The following RAB15 variants were observed in gnomAD, a reference collection of about 807,000 sequenced individuals.
RAB15 encodes the protein ras-related protein Rab-15.
Under a neutral mutation model 31.8 loss-of-function variants are expected in RAB15, and 13 were observed. The ratio of observed to expected loss-of-function variants is 0.41; its 90% CI spans 0.27 to 0.65. RAB15 has a LOEUF of 0.65. Ranked by LOEUF, RAB15 falls within the 30% of genes least tolerant of loss-of-function variation. The probability of loss-of-function intolerance (pLI) is 0.32; values close to 1 mark genes in which losing one functional copy is unlikely to be tolerated. For synonymous variants in RAB15, 100 were observed against 105.6 expected (o/e 0.95, Z 0.33); for missense variants, 220 against 277.3 (o/e 0.79, Z 1.47).
chr14:64,971,834 T>G lies in RAB15; in HGVS notation c.124+119A>C. 1 of 984,630 alleles carries G rather than the reference T, an allele frequency of 1.0e-6. No homozygotes were observed. The allele number at this position is 984,630 out of a possible 1,614,324, so 61.0% of individuals were successfully genotyped here. A position where few individuals can be genotyped will look rare whatever the true frequency, so the allele number is the denominator to read the frequency against. ...CCGAGATTTATCCCGGACTCCGGCC[T>G]CCGGCGCCACCGCCTCCAGCCGGAG... is the stretch of plus-strand genomic sequence containing the variant. On this transcript the variant is annotated intron_variant, in intron 1 of 6. Coordinates refer to ENST00000533601, the MANE Select transcript of RAB15 (RefSeq NM_001308154.2). The surrounding 1 kb of genome is among the most constrained non-coding windows in gnomAD (Gnocchi z 4.1).
chr14:64,959,872 A>AAG (rs1886760345), intron 1 of RAB15, among the ~76,000 whole-genome samples: 1 of 150,254 alleles, frequency 6.7e-6, no homozygotes, highest in Non-Finnish European at 1.5e-5. Flanking sequence ...AAAAAAAAAA[A>AAG]GCAATTCCAT....
intron 1 of RAB15, chr14:64,957,867 C>A (rs1446847661): frequency 6.8e-6 from 1 of 147,902 alleles, no homozygotes; most frequent in Admixed American, 6.8e-5. Context: ...TTCCCACACA[C>A]CCTGGCATAC....
At chr14:64,965,275 T>C (rs1887073582) in intron 1 of RAB15, among the ~76,000 whole-genome samples, 1 of 151,896 alleles carries the variant, frequency 6.6e-6, no homozygotes, top group South Asian at 2.1e-4. Context: ...CTGGCCAACA[T>C]GGTGAAACCC....
Position 64,952,687 on chromosome 14 carries a change from G to A in RAB15, c.125-116C>T. 5.6e-6 allele frequency: 4 copies of A among 711,884 alleles called. No individual in the cohort carries two copies. The South Asian group carries it at 6.8e-5, about 12-fold the overall frequency. 44.1% of individuals were successfully genotyped at this position (711,884 alleles called of 1,614,324 possible). A position where few individuals can be genotyped will look rare whatever the true frequency, so the allele number is the denominator to read the frequency against. Reference sequence around the variant, plus strand: ...TTTCAGTTTAATTTGGCAAAGGGATGAAGTAATGTAAAGGCCTTCTTTAAG... The same window carrying A: ...TTTCAGTTTAATTTGGCAAAGGGATAAAGTAATGTAAAGGCCTTCTTTAAG... On this transcript the variant is annotated intron_variant, in intron 1 of 6. Transcript: ENST00000533601. This position sits in a 1 kb window ranked among gnomAD's most constrained non-coding sequence, Gnocchi z 4.2.
intron 1 of RAB15, among the ~76,000 whole-genome samples, chr14:64,959,994 C>T (rs2139988342): frequency 6.6e-6 from 1 of 152,242 alleles, no homozygotes; most frequent in East Asian, 1.9e-4. Flanking sequence ...GCAAGAAAAG[C>T]TCCTCAATCA....
rs1555385837 is a variant in RAB15 at position 64,951,724 on chromosome 14, AG to A, written c.186-62del. ...ACCATGGGAACAGACGGGGAGGGGAAGAGCAGAGCTGTCCCCTTGTAGGAAA... is the reference window on the plus strand; with the variant it reads ...ACCATGGGAACAGACGGGGAGGGGAAAGCAGAGCTGTCCCCTTGTAGGAAA... On this transcript the variant is annotated intron_variant, in intron 2 of 6. Transcript: ENST00000533601. The surrounding 1 kb of genome is among the most constrained non-coding windows in gnomAD (Gnocchi z 7.2). The A allele has an allele frequency of 2.8e-6, 4 of 1,421,092 alleles. No individual in the cohort carries two copies. Among genetic ancestry groups the A allele is most frequent in the Non-Finnish European group, 4.0e-6 (4 of 1,003,806 alleles). The allele number at this position is 1,421,092 out of a possible 1,614,324, so 88.0% of individuals were successfully genotyped here. A position where few individuals can be genotyped will look rare whatever the true frequency, so the allele number is the denominator to read the frequency against.
rs1028751575 is a variant in RAB15, at chr14:64,955,336, T to C, written c.125-2765A>G. Among the ~76,000 whole-genome samples, 8 of 152,308 alleles carry C rather than the reference T, an allele frequency of 5.3e-5. No homozygotes were observed. Among genetic ancestry groups the C allele is most frequent in the Admixed American group, 2.0e-4 (3 of 15,300 alleles). On this transcript the variant is annotated intron_variant, in intron 1 of 6. Transcript: ENST00000533601. This position sits in a 1 kb window ranked among gnomAD's most constrained non-coding sequence, Gnocchi z 4.4. Reference sequence around the variant, plus strand: ...TTCTGCGCTCTGTTCCCACACAACCTGGGCCTTCAGCTGTGTCCACCTACC... The same window carrying C: ...TTCTGCGCTCTGTTCCCACACAACCCGGGCCTTCAGCTGTGTCCACCTACC...
rs1463866377 is a variant in RAB15, at chr14:64,970,883, T to C, written c.124+1070A>G. On this transcript the variant is annotated intron_variant, in intron 1 of 6. Coordinates refer to ENST00000533601, the MANE Select transcript of RAB15 (RefSeq NM_001308154.2). The surrounding 1 kb of genome is among the most constrained non-coding windows in gnomAD (Gnocchi z 4.1). The stretch of plus-strand genomic sequence containing the variant: ...CTCCTACTTCTCTCTCAGCAAGGAA[T>C]GTGTGTTGGGGGGAGGGGGGATGGT... 1.3e-5 allele frequency among the ~76,000 whole-genome samples: 2 copies of C among 151,678 alleles called. No homozygotes were observed. Among genetic ancestry groups the C allele is most frequent in the African/African-American group, 2.4e-5 (1 of 41,338 alleles).
In RAB15 at chr14:64,951,769, T is replaced by TG; in HGVS notation, c.186-107dup. 1 of 967,278 alleles carries TG rather than the reference T, an allele frequency of 1.0e-6. No individual in the cohort carries two copies. The highest frequency in any genetic ancestry group is 2.4e-5 in the East Asian group (1 of 40,988). The allele number at this position is 967,278 out of a possible 1,614,324, so 59.9% of individuals were successfully genotyped here. ...TAGGAAAAACTGGGGAGCTAAAGGG[T>TG]GAAAAACCAGGGATGCTTGGATCCC... On this transcript the variant is annotated intron_variant, in intron 2 of 6. Coordinates refer to ENST00000533601, the MANE Select transcript of RAB15 (RefSeq NM_001308154.2). The surrounding 1 kb of genome is among the most constrained non-coding windows in gnomAD (Gnocchi z 7.2).
At position 64,971,882 on chromosome 14, in the gene RAB15, T is replaced by TGG; in HGVS notation, c.124+69_124+70dup. 7.1e-7 allele frequency: 1 copy of TGG among 1,411,384 alleles called. No individual in the cohort carries two copies. Among genetic ancestry groups the TGG allele is most frequent in the East Asian group, 2.7e-5 (1 of 36,896 alleles). The allele number at this position is 1,411,384 out of a possible 1,614,324, so 87.4% of individuals were successfully genotyped here. A position where few individuals can be genotyped will look rare whatever the true frequency, so the allele number is the denominator to read the frequency against. ...GAGGGGCTGGCAATTCCTCCCCAGC[T>TGG]GGGGACGGGGGCGGCGGGGAAAGGG... On this transcript the variant is annotated intron_variant, in intron 1 of 6. Coordinates refer to ENST00000533601, the MANE Select transcript of RAB15 (RefSeq NM_001308154.2). This position sits in a 1 kb window ranked among gnomAD's most constrained non-coding sequence, Gnocchi z 4.1.
rs1006226814 is a variant in RAB15 at position 64,947,235 on chromosome 14, C to T, written c.*1119G>A. On this transcript the variant is annotated 3_prime_UTR_variant, in exon 7 of 7. Transcript: ENST00000533601. The surrounding 1 kb of genome is among the most constrained non-coding windows in gnomAD (Gnocchi z 5.6). ...AAATGGAAGATGGGGCCTAGGAGGCCCTGCTGTTGCTACATTCCCCTCTGC... is the reference window on the plus strand; with the variant it reads ...AAATGGAAGATGGGGCCTAGGAGGCTCTGCTGTTGCTACATTCCCCTCTGC... 2.6e-5 allele frequency: 4 copies of T among 152,422 alleles called. No individual in the cohort carries two copies. The highest frequency in any genetic ancestry group is 6.5e-5 in the Admixed American group (1 of 15,286). 9.4% of individuals were successfully genotyped at this position (152,422 alleles called of 1,614,324 possible).
intron 1 of RAB15, among the ~76,000 whole-genome samples, chr14:64,960,691 A>G (rs935853462): frequency 6.6e-6 from 1 of 152,194 alleles, no homozygotes; most frequent in Admixed American, 6.5e-5. Context: ...GCAGCCGTCA[A>G]GCTCCCTTAG....
chr14:64,971,052 G>A lies in RAB15; in HGVS notation c.124+901C>T, dbSNP rs1052342474. The stretch of plus-strand genomic sequence containing the variant: ...CTGGGCAATGCAGAGGCTACTCCAG[G>A]GCTGACCCGGGTAGCAGCTGAGGAT... On this transcript the variant is annotated intron_variant, in intron 1 of 6. Coordinates refer to ENST00000533601, the MANE Select transcript of RAB15 (RefSeq NM_001308154.2). The surrounding 1 kb of genome is among the most constrained non-coding windows in gnomAD (Gnocchi z 4.1). Among the ~76,000 whole-genome samples the A allele has an allele frequency of 2.0e-5, 3 of 152,292 alleles. No homozygotes were observed. Among genetic ancestry groups the A allele is most frequent in the Middle Eastern group, 3.4e-3 (1 of 294 alleles).
chr14:64,958,691 C>T lies in RAB15; in HGVS notation c.125-6120G>A, dbSNP rs1886702795. ...CTTGGGTACAGAAAGAAATAGGGCA[C>T]AGAAGTGTTAAGAAACAAGCAAACC... is the stretch of plus-strand genomic sequence containing the variant. On this transcript the variant is annotated intron_variant, in intron 1 of 6. Transcript: ENST00000533601. The surrounding 1 kb of genome is among the most constrained non-coding windows in gnomAD (Gnocchi z 4.4). Among the ~76,000 whole-genome samples, 1 of 152,018 alleles carries T rather than the reference C, an allele frequency of 6.6e-6. No individual in the cohort carries two copies. The highest frequency in any genetic ancestry group is 2.4e-5 in the African/African-American group (1 of 41,372).
At chr14:64,959,468 T>C (rs974824967) in intron 1 of RAB15, among the ~76,000 whole-genome samples, 4 of 152,196 alleles carry the variant, frequency 2.6e-5, no homozygotes, top group African/African-American at 9.7e-5. Flanking sequence ...ATACATTTTG[T>C]GGTTGACAAA....
Position 64,946,647 on chromosome 14 carries a change from C to T in RAB15, c.*1707G>A, listed in dbSNP as rs1032648262. The T allele has an allele frequency of 6.6e-6, 1 of 152,218 alleles. No individual in the cohort carries two copies. Among genetic ancestry groups the T allele is most frequent in the Non-Finnish European group, 1.5e-5 (1 of 68,056 alleles). The allele number at this position is 152,218 out of a possible 1,614,324, so 9.4% of individuals were successfully genotyped here. A position where few individuals can be genotyped will look rare whatever the true frequency, so the allele number is the denominator to read the frequency against. On this transcript the variant is annotated 3_prime_UTR_variant, in exon 7 of 7. Coordinates refer to ENST00000533601, the MANE Select transcript of RAB15 (RefSeq NM_001308154.2). ...GAAAGGTTTGATGGTTCTTTCCCCACTTCTTTTTGGAGGAGTAAGGAAGTG... is the reference window on the plus strand; with the variant it reads ...GAAAGGTTTGATGGTTCTTTCCCCATTTCTTTTTGGAGGAGTAAGGAAGTG...
rs559474433 is a variant in RAB15, at chr14:64,963,760, G to T, written c.124+8193C>A. Among the ~76,000 whole-genome samples the T allele has an allele frequency of 1.2e-4, 18 of 152,312 alleles. No homozygotes were observed. In the East Asian group the frequency reaches 3.5e-3, roughly 29 times the overall value. On this transcript the variant is annotated intron_variant, in intron 1 of 6. Coordinates refer to ENST00000533601, the MANE Select transcript of RAB15 (RefSeq NM_001308154.2). ...CACTCCAGCTGGCCCCAGCAAGGCT[G>T]AAGAGTAGCAGCCCCACTGGAGGTG...
rs1390186421 is a variant in RAB15, at chr14:64,951,761, C to G, written c.186-98G>C. 3 of 1,055,516 alleles carry G rather than the reference C, an allele frequency of 2.8e-6. No individual in the cohort carries two copies. Among genetic ancestry groups the G allele is most frequent in the East Asian group, 4.8e-5 (2 of 41,850 alleles). 65.4% of individuals were successfully genotyped at this position (1,055,516 alleles called of 1,614,324 possible). ...TCCCCTTGTAGGAAAAACTGGGGAG[C>G]TAAAGGGTGAAAAACCAGGGATGCT... On this transcript the variant is annotated intron_variant, in intron 2 of 6. Coordinates refer to ENST00000533601, the MANE Select transcript of RAB15 (RefSeq NM_001308154.2). The surrounding 1 kb of genome is among the most constrained non-coding windows in gnomAD (Gnocchi z 7.2).
chr14:64,962,042 TTG>T lies in RAB15; in HGVS notation c.125-9473_125-9472del, dbSNP rs1404063957. On this transcript the variant is annotated intron_variant, in intron 1 of 6. Coordinates refer to ENST00000533601, the MANE Select transcript of RAB15 (RefSeq NM_001308154.2). The surrounding 1 kb of genome is among the most constrained non-coding windows in gnomAD (Gnocchi z 4.2). ...CCAGCCTGGCCAACATGGTGAAACC[TTG>T]TCTCTACTAAAAATACAAAAATTAG... 6.6e-6 allele frequency among the ~76,000 whole-genome samples: 1 copy of T among 151,906 alleles called. No individual in the cohort carries two copies. Among genetic ancestry groups the T allele is most frequent in the African/African-American group, 2.4e-5 (1 of 41,390 alleles).
Sources: gnomAD v4.1 joint callset for allele counts (sites outside exome capture counted in the v4.1 genomes callset) on GRCh38, gnomAD v4.1.1 for gene constraint, Gnocchi (gnomAD v3.1) non-coding constraint, MANE v1.5 for transcripts, NCBI Gene and HGNC (gene_info 2026-07-23, HGNC 2026-07-21) for gene names.